Variants in ACTR6 observed in about 807,000 individuals in gnomAD.
The protein encoded by ACTR6 is actin related protein 6.
ACTR6 carries 50 observed loss-of-function variants against 52.5 expected under a neutral mutation model. That is an observed-to-expected ratio of 0.95 (90% CI 0.76 to 1.20). The LOEUF is 1.20. ACTR6 is among the 50% of genes most tolerant of loss of function. ACTR6 has a pLI of 0.00. For synonymous variants in ACTR6, 135 were observed against 147.2 expected (o/e 0.92, Z 0.60); for missense variants, 344 against 472.4 (o/e 0.73, Z 2.52).
intron 2 of ACTR6, 31 bp downstream of exon 2, chr12:100,205,088 C>A: frequency 1.5e-6 from 2 of 1,295,668 alleles, no homozygotes; most frequent in African/African-American, 1.5e-5. Flanking sequence ...TCATTTCTAG[C>A]ATTGTAGACC....
chr12:100,220,224 C>A, intron 10 of ACTR6, 78 bp downstream of exon 10: 2 of 1,434,332 alleles, frequency 1.4e-6, no homozygotes, highest in Non-Finnish European at 9.5e-7. Context: ...GAGTTTAAAA[C>A]CTGGCTCTCC....
At chr12:100,203,221 G>A (rs1222261471) in intron 1 of ACTR6, among the ~76,000 whole-genome samples, 1 of 152,152 alleles carries the variant, frequency 6.6e-6, no homozygotes, top group African/African-American at 2.4e-5. Flanking sequence ...CCACAGACAG[G>A]TACCGGACCA....
intron 9 of ACTR6, among the ~76,000 whole-genome samples, chr12:100,219,252 A>T (rs140283458): frequency 5.0e-4 from 76 of 151,962 alleles, no homozygotes; most frequent in African/African-American, 1.8e-3. Context: ...ATAAAGTTGC[A>T]GTCATGATGT....
intron 3 of ACTR6, 54 bp from the exon 4 acceptor site, chr12:100,207,609 A>G: frequency 2.2e-6 from 3 of 1,344,632 alleles, no homozygotes; most frequent in South Asian, 3.0e-5. Context: ...ATGTAAAACA[A>G]GTGTTAATTA....
chr12:100,215,325 C>T (rs1449419180), intron 8 of ACTR6, among the ~76,000 whole-genome samples: 1 of 152,212 alleles, frequency 6.6e-6, no homozygotes, highest in Non-Finnish European at 1.5e-5. Context: ...GTTTATTGGA[C>T]ATTTTCTTCT....
In ACTR6 at chr12:100,204,938, A is replaced by G; in HGVS notation, c.69-2A>G. 1 of 1,576,704 alleles carries G rather than the reference A, an allele frequency of 6.3e-7. No individual in the cohort carries two copies. The highest frequency in any genetic ancestry group is 8.7e-7 in the Non-Finnish European group (1 of 1,149,702). The stretch of plus-strand genomic sequence containing the variant: ...GATAATTATTTGTTTCCTTGTTTCT[A>G]GGGTTATTCCTAATTGTCAGTTCCG... On this transcript the variant is annotated splice_acceptor_variant, in intron 1 of 10. Coordinates refer to ENST00000188312, the MANE Select transcript of ACTR6 (RefSeq NM_022496.5). LOFTEE classifies it high-confidence loss of function.
At chr12:100,201,373 C>G (rs1456191076) in intron 1 of ACTR6, among the ~76,000 whole-genome samples, 1 of 152,166 alleles carries the variant, frequency 6.6e-6, no homozygotes, top group Non-Finnish European at 1.5e-5. Context: ...AAGACTTTGG[C>G]CTACTGGCCG....
chr12:100,220,231 C>G lies in ACTR6; in HGVS notation c.1061+85C>G, dbSNP rs561789057. On this transcript the variant is annotated intron_variant, in intron 10 of 10. Transcript: ENST00000188312. ...GTTGACTTGAGTTTAAAACCTGGCT[C>G]TCCCACGGTGGCAGGTTCATTTCAC... 9 of 1,380,044 alleles carry G rather than the reference C, an allele frequency of 6.5e-6. No individual in the cohort carries two copies. In the African/African-American group the frequency reaches 1.3e-4, roughly 20 times the overall value. The allele number at this position is 1,380,044 out of a possible 1,614,324, so 85.5% of individuals were successfully genotyped here. A position where few individuals can be genotyped will look rare whatever the true frequency, so the allele number is the denominator to read the frequency against.
chr12:100,220,037 G>A lies in ACTR6; in HGVS notation c.952G>A (p.Val318Ile). Reference sequence around the variant, plus strand: ...GCAGCCGCATTTTTTTAAGAACATTGTCTTGACAGGAGGAAATTCCCTTTT... The same window carrying A: ...GCAGCCGCATTTTTTTAAGAACATTATCTTGACAGGAGGAAATTCCCTTTT... ...EMQPHFFKNI[V>I]LTGGNSLFPG... The change falls in exon 10 of 11, where the codon GTC becomes ATC. Residue 318 changes from valine (V) to isoleucine (I), a missense_variant. Val to Ile is a conservative substitution (Grantham distance 29). Transcript: ENST00000188312. 6.2e-7 allele frequency: 1 copy of A among 1,612,996 alleles called. No individual in the cohort carries two copies. The highest frequency in any genetic ancestry group is 8.5e-7 in the Non-Finnish European group (1 of 1,179,510).
Position 100,223,874 on chromosome 12 carries a change from G to C in ACTR6, c.1150G>C (p.Glu384Gln). ...GGTGGTAACAAGAGAAGATTACGAA[G>C]AAAATGGACATAGCGTCTGTGAAGA... ...DMVVTREDYE[E>Q]NGHSVCEEKF... Residue 384 changes from glutamate to glutamine, a missense_variant, in exon 11 of 11, where the codon GAA (glutamate) becomes CAA (glutamine). Coordinates refer to ENST00000188312, the MANE Select transcript of ACTR6 (RefSeq NM_022496.5). 2 of 1,611,004 alleles carry C rather than the reference G, an allele frequency of 1.2e-6. No individual in the cohort carries two copies. The highest frequency in any genetic ancestry group is 1.7e-6 in the Non-Finnish European group (2 of 1,179,214).
intron 8 of ACTR6, among the ~76,000 whole-genome samples, chr12:100,214,152 T>G (rs933860356): frequency 6.6e-6 from 1 of 152,160 alleles, no homozygotes; most frequent in Admixed American, 6.5e-5. Context: ...TGTTCTCTTT[T>G]TGGTGAGAAT....
At chr12:100,223,076 A>T (rs1021968792) in intron 10 of ACTR6, among the ~76,000 whole-genome samples, 2 of 152,034 alleles carry the variant, frequency 1.3e-5, no homozygotes, top group African/African-American at 4.8e-5. Context: ...GGTGGCTCAC[A>T]ACTATAATCC....
At chr12:100,214,159 GAAT>G (rs1414732608) in intron 8 of ACTR6, among the ~76,000 whole-genome samples, 2 of 152,118 alleles carry the variant, frequency 1.3e-5, no homozygotes, top group East Asian at 3.9e-4. Context: ...TTTTTGGTGA[GAAT>G]AATAATATGT....
chr12:100,209,992 G>A (rs1432157104), intron 4 of ACTR6, 81 bp from the exon 5 acceptor site: 1 of 1,268,706 alleles, frequency 7.9e-7, no homozygotes, highest in Non-Finnish European at 1.1e-6. Flanking sequence ...TTGTCTTGGT[G>A]CTTGTCTTTG....
At chr12:100,213,551 A>G (rs2096121691) in intron 8 of ACTR6, among the ~76,000 whole-genome samples, 1 of 152,214 alleles carries the variant, frequency 6.6e-6, no homozygotes, top group Non-Finnish European at 1.5e-5. Flanking sequence ...CATTATGTAT[A>G]TTATGGCTAA....
Position 100,210,240 on chromosome 12 carries a change from A to G in ACTR6, c.515+32A>G, listed in dbSNP as rs1294083620. 36 of 1,603,554 alleles carry G rather than the reference A, an allele frequency of 2.2e-5. No individual in the cohort carries two copies. The Admixed American group carries it at 6.1e-4, about 27-fold the overall frequency. On this transcript the variant is annotated intron_variant, in intron 5 of 10. Coordinates refer to ENST00000188312, the MANE Select transcript of ACTR6 (RefSeq NM_022496.5). ...TGTATTTAATTTTCATGTTGTTTCTAAAGATTAAACAGAATGATATGTGCG... is the reference window on the plus strand; with the variant it reads ...TGTATTTAATTTTCATGTTGTTTCTGAAGATTAAACAGAATGATATGTGCG...
At chr12:100,212,849 CA>C (rs1282789889) in intron 8 of ACTR6, among the ~76,000 whole-genome samples, 2 of 150,868 alleles carry the variant, frequency 1.3e-5, no homozygotes, top group African/African-American at 2.4e-5. Context: ...ACTAAAAATA[CA>C]AAAAAAATTA....
intron 4 of ACTR6, 45 bp from the exon 5 acceptor site, chr12:100,210,028 A>G (rs1490370984): frequency 6.6e-7 from 1 of 1,523,646 alleles, no homozygotes; most frequent in Non-Finnish European, 8.8e-7. Context: ...ATTGCTTTAA[A>G]TTAGTGTTAT....
intron 1 of ACTR6, chr12:100,201,128 A>G: frequency 7.7e-7 from 1 of 1,299,944 alleles, no homozygotes. Flanking sequence ...AGGCCCCGGA[A>G]GTGGGATATA....
Sources: gnomAD v4.1 joint callset for allele counts (sites outside exome capture counted in the v4.1 genomes callset) on GRCh38, gnomAD v4.1.1 for gene constraint, MANE v1.5 for transcripts, NCBI Gene and HGNC (gene_info 2026-07-23, HGNC 2026-07-21) for gene names.